Variants in SHISA9 observed in about 807,000 individuals in gnomAD.
SHISA9 encodes protein shisa-9.
In SHISA9, 13 loss-of-function variants were observed where a neutral mutation model predicts 38.0. The ratio of observed to expected loss-of-function variants is 0.34; its 90% CI spans 0.22 to 0.54. The LOEUF is 0.54. Ranked by LOEUF, SHISA9 falls within the 20% of genes least tolerant of loss-of-function variation. SHISA9 has a pLI of 0.91. For synonymous variants in SHISA9, 275 were observed against 242.0 expected, an observed-to-expected ratio of 1.14 and a Z score of -1.27; for missense variants, 538 against 575.8, an observed-to-expected ratio of 0.93 and a Z score of 0.67.
chr16:13,375,545 A>C, the SHISA9 span, among the ~76,000 whole-genome samples: 3 of 152,162 alleles, frequency 2.0e-5, no homozygotes, highest in Non-Finnish European at 2.9e-5. Context: ...CTGTTTTGGT[A>C]CCAGTACCAT....
the SHISA9 span, among the ~76,000 whole-genome samples, chr16:13,513,240 A>T: frequency 3.9e-5 from 6 of 152,252 alleles, no homozygotes; most frequent in Non-Finnish European, 8.8e-5. Flanking sequence ...TTATGCAGCC[A>T]ACAAACATAT....
chr16:13,141,920 C>G (rs1178236908), intron 2 of SHISA9, among the ~76,000 whole-genome samples: 1 of 152,188 alleles, frequency 6.6e-6, no homozygotes, highest in Non-Finnish European at 1.5e-5. Flanking sequence ...TCTGTAATAA[C>G]TGGACATTGA....
intron 2 of SHISA9, among the ~76,000 whole-genome samples, chr16:13,155,994 TG>T (rs1390647689): frequency 6.6e-6 from 1 of 151,802 alleles, no homozygotes; most frequent in Non-Finnish European, 1.5e-5. Context: ...TTTAAGTGAG[TG>T]GGGTGGTGGG....
At chr16:13,267,911 T>C in the SHISA9 span, among the ~76,000 whole-genome samples, 1 of 151,168 alleles carries the variant, frequency 6.6e-6, no homozygotes, top group African/African-American at 2.4e-5. Context: ...CCTGGCACTA[T>C]TCTATTGGAA....
chr16:12,985,558 G>T (rs866710211), intron 2 of SHISA9, among the ~76,000 whole-genome samples: 3 of 152,146 alleles, frequency 2.0e-5, no homozygotes, highest in African/African-American at 7.2e-5. Flanking sequence ...GAGACTGGAG[G>T]CAAGGAGCTC....
At position 12,968,188 on chromosome 16, in the gene SHISA9, TCAAA is replaced by T. The variant is rs1567355720; in HGVS notation, c.691+51374_691+51377del. Among the ~76,000 whole-genome samples, 10 of 28,472 alleles carry T rather than the reference TCAAA, an allele frequency of 3.5e-4. No individual in the cohort carries two copies. In the South Asian group the frequency reaches 0.012, roughly 35 times the overall value. The allele number at this position is 28,472 out of a possible 152,430, so 18.7% of individuals were successfully genotyped here. ...CTGGGTGACAGAGGAAGGCTCCATC[TCAAA>T]AAAAAAAAAAAAAAAAAAAAAAAAA... On this transcript the variant is annotated intron_variant, in intron 2 of 4. Transcript: ENST00000558583.
the SHISA9 span, among the ~76,000 whole-genome samples, chr16:13,360,559 G>T: frequency 1.3e-5 from 2 of 152,142 alleles, no homozygotes. Context: ...GGATGTGTTT[G>T]CTTCCCCTTC....
At chr16:13,506,756 T>G in the SHISA9 span, among the ~76,000 whole-genome samples, 3 of 152,024 alleles carry the variant, frequency 2.0e-5, no homozygotes, top group Non-Finnish European at 4.4e-5. Flanking sequence ...AGATCTGGCT[T>G]GAGACACTGG....
intron 2 of SHISA9, among the ~76,000 whole-genome samples, chr16:12,978,240 A>G (rs962637826): frequency 6.6e-6 from 1 of 152,220 alleles, no homozygotes; most frequent in East Asian, 1.9e-4. Flanking sequence ...ATGGTATAGA[A>G]TCATCCAACA....
chr16:13,160,200 G>C (rs994493144), intron 2 of SHISA9, among the ~76,000 whole-genome samples: 2 of 152,154 alleles, frequency 1.3e-5, no homozygotes, highest in Non-Finnish European at 2.9e-5. Flanking sequence ...TGAGGCAGGC[G>C]TGAGCTGGTG....
the SHISA9 span, among the ~76,000 whole-genome samples, chr16:13,282,665 A>T: frequency 6.6e-6 from 1 of 151,638 alleles, no homozygotes. Flanking sequence ...GGATCCTAGG[A>T]CTCTGTTACA....
chr16:13,296,531 G>A, the SHISA9 span, among the ~76,000 whole-genome samples: 2 of 151,486 alleles, frequency 1.3e-5, no homozygotes, highest in Admixed American at 6.6e-5. Context: ...ATTGACGGTT[G>A]CATTCCTAGT....
At position 13,019,296 on chromosome 16, in the gene SHISA9, G is replaced by A. The variant is rs1002309602; in HGVS notation, c.691+102481G>A. Among the ~76,000 whole-genome samples the A allele has an allele frequency of 1.2e-4, 19 of 152,086 alleles. 1 individual carries two copies. Among genetic ancestry groups the A allele is most frequent in the South Asian group, 4.1e-4 (2 of 4,824 alleles). On this transcript the variant is annotated intron_variant, in intron 2 of 4. Coordinates refer to ENST00000558583, the MANE Select transcript of SHISA9 (RefSeq NM_001145204.3). Reference sequence around the variant, plus strand: ...ATTACAGACGTGAGCCACCACGCTTGGCCAGACATTTATTTTCTTACAGTT... The same window carrying A: ...ATTACAGACGTGAGCCACCACGCTTAGCCAGACATTTATTTTCTTACAGTT...
At chr16:12,979,709 G>A (rs894286207) in intron 2 of SHISA9, among the ~76,000 whole-genome samples, 1 of 151,850 alleles carries the variant, frequency 6.6e-6, no homozygotes, top group Non-Finnish European at 1.5e-5. Flanking sequence ...TATCTATAAC[G>A]TTGTGTGTTG....
chr16:13,128,913 C>T (rs1325596275), intron 2 of SHISA9, among the ~76,000 whole-genome samples: 1 of 152,214 alleles, frequency 6.6e-6, no homozygotes, highest in Non-Finnish European at 1.5e-5. Flanking sequence ...TGTTCATGTG[C>T]AAATCCACCT....
chr16:13,029,242 C>G (rs1362299090), intron 2 of SHISA9, among the ~76,000 whole-genome samples: 1 of 152,164 alleles, frequency 6.6e-6, no homozygotes, highest in African/African-American at 2.4e-5. Flanking sequence ...ACCTAAGTGT[C>G]CATCAGTTGA....
the SHISA9 span, among the ~76,000 whole-genome samples, chr16:13,538,723 A>G: frequency 2.0e-5 from 3 of 152,230 alleles, no homozygotes; most frequent in Non-Finnish European, 4.4e-5. Context: ...TTTCAATTAC[A>G]GAAACACATA....
chr16:13,405,941 C>CAAAAAAAAAAAAAAAAAAAAAAAAAAAA, the SHISA9 span, among the ~76,000 whole-genome samples: 1 of 105,420 alleles, frequency 9.5e-6, no homozygotes, highest in Non-Finnish European at 2.0e-5. Flanking sequence ...GAAATCATGA[C>CAAAAAAAAAAAAAAAAAAAAAAAAAAAA]AAAAAAAAAA....
At chr16:13,426,344 G>A in the SHISA9 span, among the ~76,000 whole-genome samples, 315 of 152,142 alleles carry the variant, frequency 2.1e-3, no homozygotes, top group Middle Eastern at 0.01. Context: ...GCTTCCCTAG[G>A]TACACGGAGC....
Sources: allele counts gnomAD v4.1 joint callset (sites outside exome capture counted in the v4.1 genomes callset), GRCh38; gene constraint gnomAD v4.1.1; transcripts MANE v1.5; gene names NCBI Gene and HGNC (gene_info 2026-07-23, HGNC 2026-07-21).